TNS4: variants seen among roughly 807,000 people sequenced by gnomAD.
TNS4 encodes the protein tensin-4.
TNS4 carries 46 observed loss-of-function variants against 70.4 expected under a neutral mutation model. That is an observed-to-expected ratio of 0.65 (90% CI 0.52 to 0.84). The LOEUF (loss-of-function observed/expected upper bound fraction) is 0.84. Among genes scored for constraint, TNS4 ranks in the 40% least tolerant of loss-of-function variants. The probability of loss-of-function intolerance (pLI) is 0.00; values close to 1 mark genes in which losing one functional copy is unlikely to be tolerated. For synonymous variants in TNS4, 390 were observed against 366.6 expected (o/e 1.06, Z -0.73); for missense variants, 863 against 907.0 (o/e 0.95, Z 0.62).
intron 10 of TNS4, 39 bp from the exon 11 acceptor site, chr17:40,478,687 CTGTCCCAG>C (rs757512405): frequency 1.2e-6 from 2 of 1,602,998 alleles, no homozygotes; most frequent in African/African-American, 2.7e-5. Flanking sequence ...CGATGACAGC[CTGTCCCAG>C]TGTCATCCTG....
intron 3 of TNS4, 31 bp downstream of exon 3, chr17:40,488,515 T>A (rs762923565): frequency 1.3e-6 from 2 of 1,487,638 alleles, no homozygotes; most frequent in Non-Finnish European, 1.8e-6. Context: ...CCTGTGTGTG[T>A]GTGTGCAATG....
At chr17:40,482,997 TG>T (rs2035946813) in intron 6 of TNS4, among the ~76,000 whole-genome samples, 1 of 151,358 alleles carries the variant, frequency 6.6e-6, no homozygotes, top group Non-Finnish European at 1.5e-5. Flanking sequence ...TCTCTTAGAC[TG>T]GAGTGCAGCG....
intron 1 of TNS4, among the ~76,000 whole-genome samples, chr17:40,498,515 T>A (rs1374690316): frequency 6.6e-6 from 1 of 152,218 alleles, no homozygotes; most frequent in Non-Finnish European, 1.5e-5. Flanking sequence ...GGTAACTCAA[T>A]CCTCTCACAG....
chr17:40,500,895 T>A (rs1178816644), intron 1 of TNS4, among the ~76,000 whole-genome samples: 1 of 148,630 alleles, frequency 6.7e-6, no homozygotes, highest in East Asian at 2.1e-4. Flanking sequence ...CCTGTCTACC[T>A]CTGAAGTGCC....
At position 40,478,622 on chromosome 17, in the gene TNS4, A is replaced by T; in HGVS notation, c.1937T>A (p.Leu646His). The T allele has an allele frequency of 6.2e-7, 1 of 1,614,096 alleles. No individual in the cohort carries two copies. Among genetic ancestry groups the T allele is most frequent in the Non-Finnish European group, 8.5e-7 (1 of 1,179,998 alleles). ...CATACCACAGAAGCGGAGGGTGGTG[A>T]GTGGGTAATGGCGCCGGAAAAACAC... ...RKVFFRRHYP[L>H]TTLRFCGMDP... Residue 646 changes from leucine (L) to histidine (H), a missense_variant, in exon 11 of 13, where the codon CTC becomes CAC. Leu to His is a moderately conservative substitution (Grantham distance 99, BLOSUM62 -3). Transcript: ENST00000254051.
rs149121496 is a variant in TNS4, at chr17:40,488,944, G to A, written c.465C>T (p.Ser155=). ...ALDIKYIEVT[S]ARSRCHDGPQ... Reference sequence around the variant, plus strand: ...GGCCATCGTGGCACCTTGATCTGGCGGAGGTCACCTCGATGTACTTTATGT... The same window carrying A: ...GGCCATCGTGGCACCTTGATCTGGCAGAGGTCACCTCGATGTACTTTATGT... The change falls in exon 3 of 13, where the codon TCC becomes TCT. Residue 155 remains serine (S), a synonymous_variant. Coordinates refer to ENST00000254051, the MANE Select transcript of TNS4 (RefSeq NM_032865.6). The A allele has an allele frequency of 3.6e-5, 57 of 1,594,030 alleles. No individual in the cohort carries two copies. In the Admixed American group the frequency reaches 4.9e-4, roughly 14 times the overall value.
intron 12 of TNS4, 185 bp from the exon 13 acceptor site, chr17:40,477,914 G>A (rs966664038): frequency 3.0e-5 from 19 of 623,874 alleles, no homozygotes; most frequent in Non-Finnish European, 5.0e-5. Context: ...CCGTCAGACT[G>A]GGAGATTTCT....
chr17:40,478,343 A>G lies in TNS4; in HGVS notation c.1980-10T>C. ...GCAGTACTTCTGCCACCTGTAGGAA[A>G]AGAACATGATACCGAGTAATGAGGC... is the stretch of plus-strand genomic sequence containing the variant. On this transcript the variant is annotated splice_polypyrimidine_tract_variant and intron_variant, in intron 11 of 12. Transcript: ENST00000254051. 1 of 1,609,954 alleles carries G rather than the reference A, an allele frequency of 6.2e-7. No individual in the cohort carries two copies. Among genetic ancestry groups the G allele is most frequent in the Non-Finnish European group, 8.5e-7 (1 of 1,178,752 alleles).
intron 2 of TNS4, among the ~76,000 whole-genome samples, chr17:40,495,591 A>G (rs535404378): frequency 6.6e-6 from 1 of 152,252 alleles, no homozygotes; most frequent in Admixed American, 6.5e-5. Context: ...CCCAATAGCA[A>G]TCCTACCAAA....
At chr17:40,480,382 C>T (rs543493100) in intron 9 of TNS4, among the ~76,000 whole-genome samples, 3 of 152,260 alleles carry the variant, frequency 2.0e-5, no homozygotes, top group Non-Finnish European at 2.9e-5. Flanking sequence ...CCAGAACCAC[C>T]TCTAGGGCAG....
chr17:40,480,312 A>T (rs2035904886), intron 9 of TNS4, among the ~76,000 whole-genome samples: 1 of 152,024 alleles, frequency 6.6e-6, no homozygotes, highest in African/African-American at 2.4e-5. Flanking sequence ...TGGGTCAGGG[A>T]CCTTTCCCCT....
rs17557495 is a variant in TNS4 at position 40,493,350 on chromosome 17, C to T, written c.439+2637G>A. Reference sequence around the variant, plus strand: ...ATGAGATTGTAAAATGGCAGGGGATCCTCCACTCTGAATACATTTCGAGGT... The same window carrying T: ...ATGAGATTGTAAAATGGCAGGGGATTCTCCACTCTGAATACATTTCGAGGT... On this transcript the variant is annotated intron_variant, in intron 2 of 12. Coordinates refer to ENST00000254051, the MANE Select transcript of TNS4 (RefSeq NM_032865.6). Among the ~76,000 whole-genome samples, 1,000 of 152,296 alleles carry T rather than the reference C, an allele frequency of 6.6e-3. 1 individual carries two copies. The highest frequency in any genetic ancestry group is 0.01 in the Non-Finnish European group (695 of 68,030).
chr17:40,482,084 A>G (rs2035927994), intron 8 of TNS4, 45 bp downstream of exon 8: 3 of 1,605,018 alleles, frequency 1.9e-6, no homozygotes, highest in African/African-American at 2.7e-5. Context: ...ATGAGAACAA[A>G]CAGGTCCCCC....
intron 8 of TNS4, among the ~76,000 whole-genome samples, chr17:40,481,740 G>T (rs2035923998): frequency 6.6e-6 from 1 of 152,216 alleles, no homozygotes; most frequent in African/African-American, 2.4e-5. Flanking sequence ...AGCATGAATG[G>T]GTGAGTGAGT....
rs189845988 is a variant in TNS4, at chr17:40,477,232, C to A, written c.*356G>T. ...TGCTCAGACTGTTGTGTGGGCAGGG[C>A]CCAGGTCGATGGGGTCAGAGGGTCC... is the stretch of plus-strand genomic sequence containing the variant. On this transcript the variant is annotated 3_prime_UTR_variant, in exon 13 of 13. Coordinates refer to ENST00000254051, the MANE Select transcript of TNS4 (RefSeq NM_032865.6). 6 of 188,682 alleles carry A rather than the reference C, an allele frequency of 3.2e-5. No homozygotes were observed. In the East Asian group the frequency reaches 8.3e-4, roughly 26 times the overall value. 11.7% of individuals were successfully genotyped at this position (188,682 alleles called of 1,614,324 possible). A position where few individuals can be genotyped will look rare whatever the true frequency, so the allele number is the denominator to read the frequency against.
chr17:40,487,766 A>T (rs1246132580), intron 3 of TNS4, among the ~76,000 whole-genome samples: 1 of 152,150 alleles, frequency 6.6e-6, no homozygotes, highest in Non-Finnish European at 1.5e-5. Flanking sequence ...GGCCGTTCTG[A>T]CTGAGCTGTC....
chr17:40,483,008 G>C (rs959551272), intron 6 of TNS4, among the ~76,000 whole-genome samples: 6 of 151,200 alleles, frequency 4.0e-5, no homozygotes, highest in African/African-American at 1.5e-4. Flanking sequence ...GGAGTGCAGC[G>C]GCATGATCTC....
In TNS4 at chr17:40,477,522, G is replaced by T. The variant is rs2035863321; in HGVS notation, c.*66C>A. On this transcript the variant is annotated 3_prime_UTR_variant, in exon 13 of 13. Transcript: ENST00000254051. ...ATGGCCACAAGCCACACCCATTCAG[G>T]GGGTGGAGGGGGGCTCCTTAGCGAG... The T allele has an allele frequency of 3.1e-6, 5 of 1,594,488 alleles. No individual in the cohort carries two copies. In the Admixed American group the frequency reaches 8.5e-5, roughly 27 times the overall value.
At position 40,496,387 on chromosome 17, in the gene TNS4, G is replaced by A. The variant is rs1367514738; in HGVS notation, c.39C>T (p.Gly13=). ...QVMSSPLLAG[G]HAVSLAPCDE... ...CACAAGGCGCCAAGCTGACAGCATG[G>A]CCTCCTGCCAGCAGTGGGCTGGACA... is the stretch of plus-strand genomic sequence containing the variant. Residue 13 remains glycine, a synonymous_variant, in exon 2 of 13, where the codon GGC becomes GGT. Coordinates refer to ENST00000254051, the MANE Select transcript of TNS4 (RefSeq NM_032865.6). 1.2e-6 allele frequency: 2 copies of A among 1,613,016 alleles called. No homozygotes were observed. Among genetic ancestry groups the A allele is most frequent in the South Asian group, 2.2e-5 (2 of 91,036 alleles).
Sources: gnomAD v4.1 joint callset for allele counts (sites outside exome capture counted in the v4.1 genomes callset) on GRCh38, gnomAD v4.1.1 for gene constraint, MANE v1.5 for transcripts, NCBI Gene and HGNC (gene_info 2026-07-23, HGNC 2026-07-21) for gene names.